The following PIEZO2 variants were observed in gnomAD, a reference collection of about 807,000 sequenced individuals.
PIEZO2 encodes piezo type mechanosensitive ion channel component 2, also known as piezo-type mechanosensitive ion channel component 2.
PIEZO2 carries 172 observed loss-of-function variants against 337.3 expected under a neutral mutation model. The ratio of observed to expected loss-of-function variants is 0.51; its 90% confidence interval spans 0.45 to 0.58. The LOEUF is 0.58. Among genes scored for constraint, PIEZO2 ranks in the 20% least tolerant of loss-of-function variants. The probability of loss-of-function intolerance (pLI) is 0.00; values close to 1 mark genes in which losing one functional copy is unlikely to be tolerated. For missense variants in PIEZO2, 3,028 were observed against 3,391.3 expected (o/e 0.89, Z 2.66); for synonymous variants, 1,251 against 1,228.5 (o/e 1.02, Z -0.38).
intron 4 of PIEZO2, among the ~76,000 whole-genome samples, chr18:10,898,325 G>T (rs1023116829): frequency 1.3e-5 from 2 of 152,196 alleles, no homozygotes; most frequent in Admixed American, 6.5e-5. Flanking sequence ...GGAGGCTGAG[G>T]GGGGAGAATG....
rs1408124992 is a variant in PIEZO2 at position 10,702,140 on chromosome 18, A to G, written c.6290T>C (p.Phe2097Ser). The G allele has an allele frequency of 4.6e-6, 7 of 1,536,612 alleles. No individual in the cohort carries two copies. Among genetic ancestry groups the G allele is most frequent in the South Asian group, 1.2e-5 (1 of 83,924 alleles). The part of the protein sequence containing the change: ...VAIVVKYFFQ[F>S]GFFPWNKNVE... ...ATTCTTATTCCAGGGAAAGAACCCA[A>G]ATTGGAAGAAATACTTGACTACAAT... Residue 2097 changes from phenylalanine to serine, a missense_variant, in exon 43 of 56, where the codon TTT becomes TCT. Physicochemically the swap from Phe to Ser is radical, Grantham distance 155 (BLOSUM62 -2). Transcript: ENST00000674853.
At position 10,935,848 on chromosome 18, in the gene PIEZO2, C is replaced by T. The variant is rs902179985; in HGVS notation, c.287-24620G>A. Among the ~76,000 whole-genome samples the T allele has an allele frequency of 9.2e-5, 14 of 152,354 alleles. No homozygotes were observed. In the East Asian group the frequency reaches 2.7e-3, roughly 29 times the overall value. On this transcript the variant is annotated intron_variant, in intron 3 of 55. Coordinates refer to ENST00000674853, the MANE Select transcript of PIEZO2 (RefSeq NM_001378183.1). ...CTCCGGCAGTGGCTGGACCAACAGT[C>T]ACCTTCCTCACGTGCAGCTTTCTTG...
chr18:10,846,794 A>T lies in PIEZO2; in HGVS notation c.917+8559T>A, dbSNP rs969656408. On this transcript the variant is annotated intron_variant, in intron 7 of 55. Transcript: ENST00000674853. The surrounding 1 kb of genome is among the most constrained non-coding windows in gnomAD (Gnocchi z 4.1). ...CAAACAGGAGCCAGTGAGAGCAGTGAGCAGGAGATTTCCAGCAAAGGAAAC... is the reference window on the plus strand; with the variant it reads ...CAAACAGGAGCCAGTGAGAGCAGTGTGCAGGAGATTTCCAGCAAAGGAAAC... 1.3e-5 allele frequency among the ~76,000 whole-genome samples: 2 copies of T among 152,206 alleles called. No homozygotes were observed. The highest frequency in any genetic ancestry group is 2.9e-5 in the Non-Finnish European group (2 of 68,028).
At position 10,671,734 on chromosome 18, in the gene PIEZO2, A is replaced by G. The variant is rs2033786891; in HGVS notation, c.8391T>C (p.Phe2797=). Residue 2797 remains phenylalanine (F), a synonymous_variant, in exon 56 of 56, where the codon TTT becomes TTC. Coordinates refer to ENST00000674853, the MANE Select transcript of PIEZO2 (RefSeq NM_001378183.1). ...YASVVLVIGK[F]VREFFSGISH... is the part of the protein sequence containing the mutation. ...AAATCCCACTGAAGAATTCACGGAC[A>G]AATTTCCCAATCACAAGGACAACTG... The G allele has an allele frequency of 6.2e-7, 1 of 1,613,846 alleles. No homozygotes were observed. Among genetic ancestry groups the G allele is most frequent in the Non-Finnish European group, 8.5e-7 (1 of 1,179,942 alleles).
intron 2 of PIEZO2, 35 bp downstream of exon 2, chr18:11,066,092 T>A (rs934383841): frequency 8.9e-6 from 13 of 1,468,608 alleles, no homozygotes; most frequent in Non-Finnish European, 1.2e-5. Context: ...TCAGACTGTA[T>A]AACTCTGTGG....
In PIEZO2 at chr18:10,699,317, T is replaced by A. The variant is rs1242149509; in HGVS notation, c.6442-140A>T. On this transcript the variant is annotated intron_variant, in intron 43 of 55. Transcript: ENST00000674853. ...GATATGGTTTGGCTGTGTCCCCATA[T>A]CTCATCTTGAATTCCCACATGTTGT... 9.3e-6 allele frequency: 11 copies of A among 1,182,568 alleles called. No individual in the cohort carries two copies. The Admixed American group carries it at 1.9e-4, about 20-fold the overall frequency. The allele number at this position is 1,182,568 out of a possible 1,614,324, so 73.3% of individuals were successfully genotyped here. A position where few individuals can be genotyped will look rare whatever the true frequency, so the allele number is the denominator to read the frequency against.
At chr18:11,000,988 A>T (rs1159277878) in intron 2 of PIEZO2, among the ~76,000 whole-genome samples, 1 of 152,220 alleles carries the variant, frequency 6.6e-6, no homozygotes, top group Non-Finnish European at 1.5e-5. Context: ...GGCTGTCCCC[A>T]GACATGAGTG....
rs145203173 is a variant in PIEZO2 at position 11,099,102 on chromosome 18, C to A, written c.65-32880G>T. 2.4e-3 allele frequency among the ~76,000 whole-genome samples: 358 copies of A among 152,132 alleles called. No individual in the cohort carries two copies. The highest frequency in any genetic ancestry group is 8.1e-3 in the African/African-American group (335 of 41,494). Reference sequence around the variant, plus strand: ...TACAGGCATCAGCCACTGCACCTGGCCTTTTAAAAAGACTGCAGATTTTTC... The same window carrying A: ...TACAGGCATCAGCCACTGCACCTGGACTTTTAAAAAGACTGCAGATTTTTC... On this transcript the variant is annotated intron_variant, in intron 1 of 55. Coordinates refer to ENST00000674853, the MANE Select transcript of PIEZO2 (RefSeq NM_001378183.1). This position sits in a 1 kb window ranked among gnomAD's most constrained non-coding sequence, Gnocchi z 5.4.
chr18:11,063,899 A>G (rs1305261233), intron 2 of PIEZO2, among the ~76,000 whole-genome samples: 1 of 152,138 alleles, frequency 6.6e-6, no homozygotes, highest in Admixed American at 6.5e-5. Context: ...TCCATCATGC[A>G]CCACACAGGA....
intron 9 of PIEZO2, among the ~76,000 whole-genome samples, chr18:10,801,849 G>A (rs574136213): frequency 6.6e-6 from 1 of 152,240 alleles, no homozygotes; most frequent in African/African-American, 2.4e-5. Context: ...CACTTTGAGA[G>A]TCCAAGGCAG....
chr18:10,791,922 AGT>A (rs2039422945), intron 13 of PIEZO2, among the ~76,000 whole-genome samples: 1 of 152,228 alleles, frequency 6.6e-6, no homozygotes, highest in Non-Finnish European at 1.5e-5. Flanking sequence ...TAGGAAATAC[AGT>A]ACCTAACACA....
In PIEZO2 at chr18:10,677,266, G is replaced by A. The variant is rs747506836; in HGVS notation, c.8081+481C>T. On this transcript the variant is annotated intron_variant, in intron 53 of 55. Transcript: ENST00000674853. The surrounding 1 kb of genome is among the most constrained non-coding windows in gnomAD (Gnocchi z 4.1). ...GGAGTCTCACTCTGTTGCCCAGGCT[G>A]GAGTGCAGTGCTGCGATCTAGGCTC... Among the ~76,000 whole-genome samples the A allele has an allele frequency of 1.3e-5, 2 of 152,100 alleles. No individual in the cohort carries two copies. Among genetic ancestry groups the A allele is most frequent in the Admixed American group, 6.5e-5 (1 of 15,278 alleles).
chr18:10,825,909 G>A (rs2144501625), intron 7 of PIEZO2, among the ~76,000 whole-genome samples: 1 of 152,200 alleles, frequency 6.6e-6, no homozygotes, highest in East Asian at 1.9e-4. Context: ...CACACTCAAT[G>A]GGGTGGAAAG....
intron 1 of PIEZO2, among the ~76,000 whole-genome samples, chr18:11,140,482 T>C (rs916534631): frequency 1.3e-5 from 2 of 152,236 alleles, no homozygotes; most frequent in Admixed American, 6.5e-5. Context: ...TCCCACACAC[T>C]TTCCTCTAAT....
intron 3 of PIEZO2, among the ~76,000 whole-genome samples, chr18:10,966,930 T>C (rs2034025090): frequency 6.6e-6 from 1 of 152,122 alleles, no homozygotes; most frequent in African/African-American, 2.4e-5. Flanking sequence ...TCTATCTAGG[T>C]TGATGCAAAT....
chr18:10,886,391 T>C lies in PIEZO2; in HGVS notation c.330-14976A>G, dbSNP rs1250610277. 8.1e-3 allele frequency among the ~76,000 whole-genome samples: 226 copies of C among 28,016 alleles called. 2 individuals carry two copies. Among genetic ancestry groups the C allele is most frequent in the Middle Eastern group, 0.018 (1 of 56 alleles). 18.4% of individuals were successfully genotyped at this position (28,016 alleles called of 152,430 possible). A position where few individuals can be genotyped will look rare whatever the true frequency, so the allele number is the denominator to read the frequency against. ...ATATGTGTGTGTGTGTATATATATA[T>C]ATATATATATATATATATATATATA... On this transcript the variant is annotated intron_variant, in intron 4 of 55. Coordinates refer to ENST00000674853, the MANE Select transcript of PIEZO2 (RefSeq NM_001378183.1).
rs2040259974 is a variant in PIEZO2, at chr18:11,128,877, G to T, written c.64+19648C>A. 6.6e-6 allele frequency among the ~76,000 whole-genome samples: 1 copy of T among 152,172 alleles called. No homozygotes were observed. The highest frequency in any genetic ancestry group is 1.5e-5 in the Non-Finnish European group (1 of 68,036). ...ACAGGCCTGGGAATGGATATTAAGG[G>T]TATGGGATAATAGTGGAAGGAACAA... On this transcript the variant is annotated intron_variant, in intron 1 of 55. Transcript: ENST00000674853. The surrounding 1 kb of genome is among the most constrained non-coding windows in gnomAD (Gnocchi z 4.1).
At chr18:10,882,324 T>G (rs895568123) in intron 4 of PIEZO2, among the ~76,000 whole-genome samples, 2 of 152,196 alleles carry the variant, frequency 1.3e-5, no homozygotes, top group African/African-American at 4.8e-5. Context: ...AAGGCCTTTC[T>G]CCAGTTACCC....
At chr18:10,994,075 A>G (rs2035211972) in intron 2 of PIEZO2, among the ~76,000 whole-genome samples, 2 of 152,126 alleles carry the variant, frequency 1.3e-5, no homozygotes, top group African/African-American at 4.8e-5. Flanking sequence ...CTTACAGTTT[A>G]GCTTCCACTT....
Sources: allele counts gnomAD v4.1 joint callset (sites outside exome capture counted in the v4.1 genomes callset), GRCh38; gene constraint gnomAD v4.1.1; non-coding constraint Gnocchi (gnomAD v3.1); transcripts MANE v1.5; gene names NCBI Gene and HGNC (gene_info 2026-07-23, HGNC 2026-07-21).